The following MARCHF1 variants were observed in gnomAD, a reference collection of about 807,000 sequenced individuals.
MARCHF1 encodes E3 ubiquitin-protein ligase MARCHF1.
Under a neutral mutation model 54.2 loss-of-function variants are expected in MARCHF1, and 40 were observed. The ratio of observed to expected loss-of-function variants is 0.74; its 90% confidence interval spans 0.57 to 0.96. MARCHF1 has a LOEUF of 0.96. MARCHF1 is among the 40% of genes least tolerant of loss of function. MARCHF1 has a pLI of 0.00. For synonymous variants in MARCHF1, 236 were observed against 236.3 expected (o/e 1.00, Z 0.01); for missense variants, 586 against 656.5 (o/e 0.89, Z 1.17).
chr4:164,273,348 G>A lies in MARCHF1; in HGVS notation c.-323+110522C>T, dbSNP rs184386010. Among the ~76,000 whole-genome samples, 201 of 152,188 alleles carry A rather than the reference G, an allele frequency of 1.3e-3. 2 individuals are homozygous for A. Among genetic ancestry groups the A allele is most frequent in the African/African-American group, 4.5e-3 (185 of 41,536 alleles). On this transcript the variant is annotated intron_variant, in intron 1 of 9. Transcript: ENST00000514618. ...ACTCACTATCACAAGAAGAGCACGG[G>A]GGAAACTGCCCCCATGATTCAATTA...
chr4:163,714,362 C>T (rs1362082451), intron 4 of MARCHF1, among the ~76,000 whole-genome samples: 1 of 152,190 alleles, frequency 6.6e-6, no homozygotes, highest in Non-Finnish European at 1.5e-5. Context: ...TTACTGCACT[C>T]GAACTTCTTT....
intron 1 of MARCHF1, among the ~76,000 whole-genome samples, chr4:164,177,643 T>C (rs1406244851): frequency 1.3e-5 from 2 of 152,110 alleles, no homozygotes; most frequent in African/African-American, 2.4e-5. Flanking sequence ...TTAATATTGA[T>C]AGCAGTAAGT....
Position 163,562,583 on chromosome 4 carries a change from C to T in MARCHF1, c.1192-16840G>A, listed in dbSNP as rs369932603. 2.0e-5 allele frequency among the ~76,000 whole-genome samples: 3 copies of T among 152,244 alleles called. No individual in the cohort carries two copies. The South Asian group carries it at 6.2e-4, about 32-fold the overall frequency. On this transcript the variant is annotated intron_variant, in intron 8 of 9. Transcript: ENST00000514618. Reference sequence around the variant, plus strand: ...AGGCCTTCACCTTCACCCCCAGTCTCATCACACTCTCCCAATCTTTCTCAT... The same window carrying T: ...AGGCCTTCACCTTCACCCCCAGTCTTATCACACTCTCCCAATCTTTCTCAT...
chr4:163,629,465 C>T (rs1191294917), intron 5 of MARCHF1, among the ~76,000 whole-genome samples: 1 of 152,122 alleles, frequency 6.6e-6, no homozygotes, highest in Non-Finnish European at 1.5e-5. Context: ...TAGAAGAAAA[C>T]TGAGGCAATA....
chr4:163,887,257 T>A (rs1164642746), intron 3 of MARCHF1, among the ~76,000 whole-genome samples: 1 of 152,052 alleles, frequency 6.6e-6, no homozygotes, highest in Non-Finnish European at 1.5e-5. Context: ...GGGGACATTT[T>A]TAGATGAGAT....
chr4:163,597,660 AT>A (rs1341648704), intron 7 of MARCHF1, among the ~76,000 whole-genome samples: 1 of 152,164 alleles, frequency 6.6e-6, no homozygotes, highest in African/African-American at 2.4e-5. Flanking sequence ...CAAAGATTAT[AT>A]TTTTCTAATT....
intron 8 of MARCHF1, among the ~76,000 whole-genome samples, chr4:163,562,161 G>T (rs1296341381): frequency 6.6e-6 from 1 of 152,116 alleles, no homozygotes. Context: ...GCCAGGCGTG[G>T]TGGCCCATGC....
At chr4:164,279,393 C>T (rs1240312496) in intron 1 of MARCHF1, among the ~76,000 whole-genome samples, 1 of 151,150 alleles carries the variant, frequency 6.6e-6, no homozygotes, top group Non-Finnish European at 1.5e-5. Flanking sequence ...TCTGTCAAAA[C>T]TAAAAGGAAA....
intron 4 of MARCHF1, among the ~76,000 whole-genome samples, chr4:163,820,772 T>C (rs1025268228): frequency 2.0e-5 from 3 of 152,110 alleles, no homozygotes; most frequent in East Asian, 1.9e-4. Context: ...AATTTTCATA[T>C]GCAAACAATT....
chr4:163,611,557 T>G (rs1741341392), intron 7 of MARCHF1, among the ~76,000 whole-genome samples: 1 of 152,138 alleles, frequency 6.6e-6, no homozygotes, highest in African/African-American at 2.4e-5. Flanking sequence ...AATTGTCTCA[T>G]TTATGCACAC....
At chr4:164,302,112 G>C (rs1734576062) in intron 1 of MARCHF1, among the ~76,000 whole-genome samples, 1 of 152,110 alleles carries the variant, frequency 6.6e-6, no homozygotes, top group Non-Finnish European at 1.5e-5. Flanking sequence ...GGCTCTTTTG[G>C]AAAGTAGTGA....
intron 3 of MARCHF1, among the ~76,000 whole-genome samples, chr4:163,974,970 C>G (rs1239553143): frequency 6.6e-6 from 1 of 152,112 alleles, no homozygotes. Context: ...AGAATTCCTC[C>G]TGCCTGACTA....
chr4:163,601,677 C>A (rs1740970015), intron 7 of MARCHF1, among the ~76,000 whole-genome samples: 1 of 152,068 alleles, frequency 6.6e-6, no homozygotes, highest in South Asian at 2.1e-4. Context: ...TCTGAATGAG[C>A]ATCATACTTC....
chr4:163,952,523 G>A (rs539917741), intron 3 of MARCHF1, among the ~76,000 whole-genome samples: 1 of 152,266 alleles, frequency 6.6e-6, no homozygotes, highest in African/African-American at 2.4e-5. Context: ...GCGTTTCTCA[G>A]CATGCATACC....
chr4:164,082,968 G>A (rs1393589560), intron 2 of MARCHF1, among the ~76,000 whole-genome samples: 1 of 152,150 alleles, frequency 6.6e-6, no homozygotes, highest in Non-Finnish European at 1.5e-5. Context: ...CTTCTCACAT[G>A]TTGGAATTTT....
chr4:163,533,944 A>T (rs1470693017), intron 9 of MARCHF1, among the ~76,000 whole-genome samples: 1 of 151,804 alleles, frequency 6.6e-6, no homozygotes, highest in Non-Finnish European at 1.5e-5. Flanking sequence ...AATGCTCATG[A>T]TCTATACCTC....
intron 5 of MARCHF1, among the ~76,000 whole-genome samples, chr4:163,695,215 T>C (rs1475966945): frequency 6.6e-6 from 1 of 152,184 alleles, no homozygotes; most frequent in Non-Finnish European, 1.5e-5. Context: ...CACTTTCACC[T>C]TGACCTTGCT....
intron 1 of MARCHF1, among the ~76,000 whole-genome samples, chr4:164,212,670 G>C (rs1448133338): frequency 6.6e-6 from 1 of 152,144 alleles, no homozygotes; most frequent in Admixed American, 6.5e-5. Flanking sequence ...CAGATAGCAA[G>C]ATCCACTGAT....
At chr4:163,777,780 T>C (rs1747346433) in intron 4 of MARCHF1, among the ~76,000 whole-genome samples, 1 of 152,210 alleles carries the variant, frequency 6.6e-6, no homozygotes, top group East Asian at 1.9e-4. Flanking sequence ...AGGTATAATT[T>C]ACATACAATA....
Sources: gnomAD v4.1 joint callset for allele counts (sites outside exome capture counted in the v4.1 genomes callset) on GRCh38, gnomAD v4.1.1 for gene constraint, MANE v1.5 for transcripts, NCBI Gene and HGNC (gene_info 2026-07-23, HGNC 2026-07-21) for gene names.